The following CLCNKA variants were observed in gnomAD, a reference collection of about 807,000 sequenced individuals.
CLCNKA encodes the protein chloride channel protein ClC-Ka.
Under a neutral mutation model 83.3 loss-of-function variants are expected in CLCNKA, and 66 were observed. That is an observed-to-expected ratio of 0.79 (90% confidence interval 0.65 to 0.97). CLCNKA has a LOEUF of 0.97. Ranked by LOEUF, CLCNKA falls within the 50% of genes least tolerant of loss-of-function variation. The pLI is 0.00. For synonymous variants in CLCNKA, 357 were observed against 370.4 expected (o/e 0.96, Z 0.42); for missense variants, 806 against 888.7 (o/e 0.91, Z 1.18).
At position 16,024,966 on chromosome 1, in the gene CLCNKA, A is replaced by G. The variant is rs114181200; in HGVS notation, c.358+75A>G. ...TCCCAGGGGGCTTCTGATGGGGGGAATCGGGAAGCTGCAGCCTCATTTCTC... is the reference window on the plus strand; with the variant it reads ...TCCCAGGGGGCTTCTGATGGGGGGAGTCGGGAAGCTGCAGCCTCATTTCTC... On this transcript the variant is annotated intron_variant, in intron 4 of 19. Coordinates refer to ENST00000331433, the MANE Select transcript of CLCNKA (RefSeq NM_004070.4). 65 of 1,584,744 alleles carry G rather than the reference A, an allele frequency of 4.1e-5. No individual in the cohort carries two copies. In the African/African-American group the frequency reaches 7.5e-4, roughly 18 times the overall value.
rs762255896 is a variant in CLCNKA, at chr1:16,027,353, C to A, written c.699C>A (p.Val233=). The part of the protein sequence containing the change: ...SIEVMSSHFS[V]RDYWRGFFAA... ...AGGTCATGTCTTCCCACTTCTCTGTCCGGGATTACTGGAGGGGCTTCTTTG... is the reference window on the plus strand; with the variant it reads ...AGGTCATGTCTTCCCACTTCTCTGTACGGGATTACTGGAGGGGCTTCTTTG... The change falls in exon 8 of 20, where the codon GTC becomes GTA. Residue 233 remains valine (V), a synonymous_variant. Coordinates refer to ENST00000331433, the MANE Select transcript of CLCNKA (RefSeq NM_004070.4). 1 of 1,613,700 alleles carries A rather than the reference C, an allele frequency of 6.2e-7. No individual in the cohort carries two copies.
In CLCNKA at chr1:16,029,960, G is replaced by A; in HGVS notation, c.1298-5G>A. The A allele has an allele frequency of 6.2e-7, 1 of 1,609,970 alleles. No individual in the cohort carries two copies. The highest frequency in any genetic ancestry group is 2.2e-5 in the East Asian group (1 of 44,862). On this transcript the variant is annotated splice_region_variant and splice_polypyrimidine_tract_variant and intron_variant, in intron 13 of 19. Transcript: ENST00000331433. ...GGCTCCCCCTCACCCTAAGTCTGTG[G>A]CCAGGAGCTGCCATCGGGCGCCTCT...
rs1187987181 is a variant in CLCNKA at position 16,033,754 on chromosome 1, C to T, written c.*96C>T. ...TCTTCCCCCATCACCACCTGCCCCT[C>T]CCTCCAGCCCAGCTCCATTCTTTGG... is the stretch of plus-strand genomic sequence containing the variant. On this transcript the variant is annotated 3_prime_UTR_variant, in exon 20 of 20. Transcript: ENST00000331433. The T allele has an allele frequency of 2.1e-5, 25 of 1,189,034 alleles. No individual in the cohort carries two copies. Among genetic ancestry groups the T allele is most frequent in the Non-Finnish European group, 2.9e-5 (23 of 803,010 alleles). The allele number at this position is 1,189,034 out of a possible 1,614,324, so 73.7% of individuals were successfully genotyped here.
Position 16,028,752 on chromosome 1 carries a change from C to A in CLCNKA, c.969-9C>A, listed in dbSNP as rs753704157. 19 of 1,614,088 alleles carry A rather than the reference C, an allele frequency of 1.2e-5. No individual in the cohort carries two copies. The South Asian group carries it at 2.1e-4, about 18-fold the overall frequency. On this transcript the variant is annotated splice_polypyrimidine_tract_variant and intron_variant, in intron 10 of 19. Coordinates refer to ENST00000331433, the MANE Select transcript of CLCNKA (RefSeq NM_004070.4). ...AGGGCCAGCCCTAGAGCTCACCCACCCCCCACAGCAAGCCTGTGTACTCCG... is the reference window on the plus strand; with the variant it reads ...AGGGCCAGCCCTAGAGCTCACCCACACCCCACAGCAAGCCTGTGTACTCCG...
intron 10 of CLCNKA, 137 bp from the exon 11 acceptor site, chr1:16,028,624 T>G (rs770131893): frequency 2.7e-6 from 3 of 1,100,724 alleles, no homozygotes; most frequent in East Asian, 4.8e-5. Context: ...GCTCCCGCCC[T>G]TCCTCCTCAC....
rs749533261 is a variant in CLCNKA at position 16,032,251 on chromosome 1, C to A, written c.1805C>A (p.Ala602Asp). ...GTGCAGAGGGCCCAGCTGGTGCAGG[C>A]CCTCCAGGCTGAGCCTCCTTCCAGG... ...GIVQRAQLVQALQAEPPSRAP... is the reference protein window; with the variant it reads ...GIVQRAQLVQDLQAEPPSRAP... The change falls in exon 17 of 20, where the codon GCC (alanine) becomes GAC (aspartate). Residue 602 changes from alanine to aspartate, a missense_variant. Physicochemically the swap from Ala to Asp is moderately radical, Grantham distance 126. Coordinates refer to ENST00000331433, the MANE Select transcript of CLCNKA (RefSeq NM_004070.4). The A allele has an allele frequency of 1.2e-6, 2 of 1,612,514 alleles. No homozygotes were observed. The highest frequency in any genetic ancestry group is 2.2e-5 in the East Asian group (1 of 44,768).
At chr1:16,026,282 G>GC in intron 5 of CLCNKA, 35 bp downstream of exon 5, 1 of 940,254 alleles carries the variant, frequency 1.1e-6, no homozygotes, top group Non-Finnish European at 1.6e-6. Flanking sequence ...CAGCCACCCC[G>GC]CCCACCCTAC....
At chr1:16,030,781 C>A in intron 15 of CLCNKA, 107 bp downstream of exon 15, 4 of 1,454,322 alleles carry the variant, frequency 2.8e-6, no homozygotes, top group Non-Finnish European at 1.9e-6. Context: ...TGACCTCCGA[C>A]ATGGGGGCTG....
In CLCNKA at chr1:16,027,830, C is replaced by G. The variant is rs200145823; in HGVS notation, c.791C>G (p.Thr264Ser). 4 of 1,610,804 alleles carry G rather than the reference C, an allele frequency of 2.5e-6. No homozygotes were observed. The East Asian group carries it at 6.7e-5, about 27-fold the overall frequency. ...AVFNSEQETITSLYKTSFRVD... is the reference protein window; with the variant it reads ...AVFNSEQETISSLYKTSFRVD... ...TGCCCTCCTTCCCCAGAGACCATCA[C>G]CTCCCTCTACAAGACCAGTTTCCGG... The change falls in exon 9 of 20, where the codon ACC (threonine) becomes AGC (serine). Residue 264 changes from threonine to serine, a missense_variant. Transcript: ENST00000331433.
In CLCNKA at chr1:16,024,859, G is replaced by T; in HGVS notation, c.326G>T (p.Gly109Val). 6.2e-7 allele frequency: 1 copy of T among 1,614,142 alleles called. No individual in the cohort carries two copies. The highest frequency in any genetic ancestry group is 1.7e-5 in the Admixed American group (1 of 60,014). Reference sequence around the variant, plus strand: ...GTGGCCCTCGTCTCTTTCTCCTCAGGCTTCTCCCAGAGCATCACGCCCTCC... The same window carrying T: ...GTGGCCCTCGTCTCTTTCTCCTCAGTCTTCTCCCAGAGCATCACGCCCTCC... ...YPVALVSFSS[G>V]FSQSITPSSG... is the part of the protein sequence containing the mutation. The change falls in exon 4 of 20, where the codon GGC (glycine) becomes GTC (valine). Residue 109 changes from glycine (G) to valine (V), a missense_variant. Transcript: ENST00000331433.
chr1:16,027,948 C>T (rs192722050), intron 9 of CLCNKA, 43 bp downstream of exon 9: 5 of 1,610,632 alleles, frequency 3.1e-6, no homozygotes, highest in Non-Finnish European at 4.2e-6. Flanking sequence ...AAAGGCATTC[C>T]CCCCAAGGCC....
chr1:16,027,466 C>G, intron 8 of CLCNKA, 31 bp downstream of exon 8: 1 of 1,612,156 alleles, frequency 6.2e-7, no homozygotes, highest in South Asian at 1.1e-5. Flanking sequence ...GACCCTGGCC[C>G]TGCCTGGGGG....
chr1:16,027,526 C>CCCTT (rs2022417948), intron 8 of CLCNKA, 91 bp downstream of exon 8: 2 of 1,567,414 alleles, frequency 1.3e-6, no homozygotes, highest in Admixed American at 3.7e-5. Context: ...TCTTGCTCTT[C>CCCTT]CCTTCCCTCT....
intron 10 of CLCNKA, 113 bp from the exon 11 acceptor site, chr1:16,028,648 G>C (rs554199284): frequency 6.0e-6 from 8 of 1,327,388 alleles, no homozygotes; most frequent in South Asian, 2.3e-5. Flanking sequence ...TCCTTGCCTC[G>C]GTATCAGCCC....
rs773662509 is a variant in CLCNKA at position 16,031,759 on chromosome 1, C to A, written c.1672C>A (p.Leu558Met). 4.0e-5 allele frequency: 65 copies of A among 1,613,866 alleles called. 1 individual carries two copies. The South Asian group carries it at 7.0e-4, about 17-fold the overall frequency. Residue 558 changes from leucine to methionine, a missense_variant, in exon 16 of 20, where the codon CTG (leucine) becomes ATG (methionine). Physicochemically the swap from Leu to Met is conservative, Grantham distance 15 (BLOSUM62 2). Transcript: ENST00000331433. The part of the protein sequence containing the change: ...EHFMNHSITT[L>M]AKDTPLEEVV... ...CTTCATGAACCACAGCATCACCACA[C>A]TGGCCAAGGACACGCCGCTGGAGGA...
Position 16,033,697 on chromosome 1 carries a change from C to G in CLCNKA, c.*39C>G. ...GATGAAACAGGGCACCCCAGCTGAC[C>G]TGGTACTGAGGTTGGGCTGAGACCC... On this transcript the variant is annotated 3_prime_UTR_variant, in exon 20 of 20. Transcript: ENST00000331433. 6.2e-7 allele frequency: 1 copy of G among 1,606,370 alleles called. No individual in the cohort carries two copies. Among genetic ancestry groups the G allele is most frequent in the Non-Finnish European group, 8.5e-7 (1 of 1,174,620 alleles).
chr1:16,023,811 T>G lies in CLCNKA; in HGVS notation c.112T>G (p.Trp38Gly), dbSNP rs760161208. The G allele has an allele frequency of 3.7e-6, 6 of 1,613,716 alleles. No homozygotes were observed. In the African/African-American group the frequency reaches 6.7e-5, roughly 18 times the overall value. Reference protein sequence around the residue: ...IRRAIQGGLEWLKQKVFRLGE... With the variant: ...IRRAIQGGLEGLKQKVFRLGE... ...ATACCCTGCCCCAGGTGGCCTGGAG[T>G]GGCTAAAGCAGAAGGTGTTCCGCCT... is the stretch of plus-strand genomic sequence containing the variant. Residue 38 changes from tryptophan (W) to glycine (G), a missense_variant, in exon 3 of 20, where the codon TGG (tryptophan) becomes GGG (glycine). Physicochemically the swap from Trp to Gly is radical, Grantham distance 184 (BLOSUM62 -2). Transcript: ENST00000331433.
rs371622512 is a variant in CLCNKA at position 16,027,831 on chromosome 1, C to T, written c.792C>T (p.Thr264=). Residue 264 remains threonine (T), a synonymous_variant, in exon 9 of 20, where the codon ACC becomes ACT. Coordinates refer to ENST00000331433, the MANE Select transcript of CLCNKA (RefSeq NM_004070.4). ...AVFNSEQETI[T]SLYKTSFRVD... is the part of the protein sequence containing the mutation. ...GCCCTCCTTCCCCAGAGACCATCAC[C>T]TCCCTCTACAAGACCAGTTTCCGGG... The T allele has an allele frequency of 1.3e-4, 216 of 1,610,792 alleles. No homozygotes were observed. The highest frequency in any genetic ancestry group is 1.7e-4 in the Non-Finnish European group (198 of 1,178,716).
intron 14 of CLCNKA, 150 bp downstream of exon 14, chr1:16,030,225 C>G (rs1446384598): frequency 3.5e-5 from 26 of 745,246 alleles, no homozygotes; most frequent in Non-Finnish European, 5.8e-5. Context: ...CTCCTGAGCC[C>G]CACCATTCCC....
Sources: gnomAD v4.1 joint callset for allele counts on GRCh38, gnomAD v4.1.1 for gene constraint, MANE v1.5 for transcripts, NCBI Gene and HGNC (gene_info 2026-07-23, HGNC 2026-07-21) for gene names.